The following BSN variants were observed in gnomAD, a reference collection of about 807,000 sequenced individuals.
The protein encoded by BSN is bassoon presynaptic cytomatrix protein.
BSN carries 57 observed loss-of-function variants against 264.8 expected under a neutral mutation model. That is an observed-to-expected ratio of 0.22 (90% CI 0.17 to 0.27). BSN has a LOEUF of 0.27. BSN is among the 10% of genes least tolerant of loss of function. The pLI is 1.00. For synonymous variants in BSN, 2,059 were observed against 2,137.3 expected, an observed-to-expected ratio of 0.96 and a Z score of 1.01; for missense variants, 4,615 against 5,232.5, an observed-to-expected ratio of 0.88 and a Z score of 3.64.
chr3:49,650,680 C>A lies in BSN; in HGVS notation c.1587C>A (p.Thr529=), dbSNP rs2052533836. 17 of 1,610,004 alleles carry A rather than the reference C, an allele frequency of 1.1e-5. No individual in the cohort carries two copies. Among genetic ancestry groups the A allele is most frequent in the Non-Finnish European group, 1.4e-5 (17 of 1,178,918 alleles). The part of the protein sequence containing the change: ...RLLEGSLGEP[T]PLPPPTSQQP... Reference sequence around the variant, plus strand: ...TGGAGGGCAGCCTAGGAGAGCCGACCCCCCTGCCGCCGCCCACCTCACAGC... The same window carrying A: ...TGGAGGGCAGCCTAGGAGAGCCGACACCCCTGCCGCCGCCCACCTCACAGC... Residue 529 remains threonine, a synonymous_variant, in exon 4 of 12, where the codon ACC becomes ACA. Transcript: ENST00000296452.
At position 49,651,024 on chromosome 3, in the gene BSN, C is replaced by T. The variant is rs1423220459; in HGVS notation, c.1931C>T (p.Pro644Leu). 6.2e-7 allele frequency: 1 copy of T among 1,613,826 alleles called. No homozygotes were observed. The highest frequency in any genetic ancestry group is 8.5e-7 in the Non-Finnish European group (1 of 1,179,938). Residue 644 changes from proline to leucine, a missense_variant, in exon 4 of 12, where the codon CCT becomes CTT. Pro to Leu is a moderately conservative substitution (Grantham distance 98). This residue lies in a region of BSN where 1,197 missense variants were observed against 1,348.0 expected (regional missense o/e 0.89). Transcript: ENST00000296452. The surrounding 1 kb of genome is among the most constrained non-coding windows in gnomAD (Gnocchi z 5.4). ...KVKSGVRRAE[P>L]ATPVVKAVPE... ...AAGAGTGGGGTGAGGAGGGCTGAAC[C>T]TGCCACCCCTGTCGTCAAGGCTGTT...
rs983872061 is a variant in BSN at position 49,652,961 on chromosome 3, G to T, written c.3405G>T (p.Glu1135Asp). Residue 1135 changes from glutamate to aspartate, a missense_variant, in exon 5 of 12, where the codon GAG (glutamate) becomes GAT (aspartate). By Grantham distance (45) the Glu-to-Asp change is conservative (BLOSUM62 2). This residue lies in a region of BSN where 3,415 missense variants were observed against 3,866.4 expected (regional missense o/e 0.88). Coordinates refer to ENST00000296452, the MANE Select transcript of BSN (RefSeq NM_003458.4). ...CACCCTCACCCTCCCTTGACTCTGAGGCTGAGGCCTTGGATGGTGGCCCTA... is the reference window on the plus strand; with the variant it reads ...CACCCTCACCCTCCCTTGACTCTGATGCTGAGGCCTTGGATGGTGGCCCTA... The part of the protein sequence containing the change: ...EYSPSPSLDS[E>D]AEALDGGPSR... 1 of 1,612,254 alleles carries T rather than the reference G, an allele frequency of 6.2e-7. No homozygotes were observed. The highest frequency in any genetic ancestry group is 1.3e-5 in the African/African-American group (1 of 74,870).
chr3:49,575,278 C>T (rs370502134), intron 1 of BSN, among the ~76,000 whole-genome samples: 16 of 151,554 alleles, frequency 1.1e-4, no homozygotes, highest in Non-Finnish European at 8.8e-5. Flanking sequence ...CACTTGAACC[C>T]GGGAGGCAGA....
intron 1 of BSN, among the ~76,000 whole-genome samples, chr3:49,558,218 A>G (rs2051688819): frequency 6.6e-6 from 1 of 152,218 alleles, no homozygotes; most frequent in Non-Finnish European, 1.5e-5. Flanking sequence ...AGGTAGAGAT[A>G]GAGATAAATG....
intron 1 of BSN, among the ~76,000 whole-genome samples, chr3:49,599,386 C>T (rs527358802): frequency 3.3e-5 from 5 of 152,168 alleles, no homozygotes; most frequent in East Asian, 1.9e-4. Flanking sequence ...TGAACCTTTT[C>T]GAGGGTGGAT....
intron 1 of BSN, among the ~76,000 whole-genome samples, chr3:49,621,007 A>T (rs2052301595): frequency 6.6e-6 from 1 of 152,106 alleles, no homozygotes; most frequent in Non-Finnish European, 1.5e-5. Context: ...AGGAGGAGGG[A>T]GTAGGTAGTA....
In BSN at chr3:49,554,809, C is replaced by CGGCCCT; in HGVS notation, c.213_218dup (p.Pro73_Gly74dup). Reference sequence around the variant, plus strand: ...CTGGCCCCGGCCCCGGCCCCGGTCCCGGCCCTGGCCCGGGCAGGTAAGCGC... The same window carrying CGGCCCT: ...CTGGCCCCGGCCCCGGCCCCGGTCCCGGCCCTGGCCCTGGCCCGGGCAGGTAAGCGC... On this transcript the variant is annotated inframe_insertion, in exon 1 of 12. Coordinates refer to ENST00000296452, the MANE Select transcript of BSN (RefSeq NM_003458.4). The CGGCCCT allele has an allele frequency of 1.6e-6, 2 of 1,222,276 alleles. No individual in the cohort carries two copies. Among genetic ancestry groups the CGGCCCT allele is most frequent in the Non-Finnish European group, 2.0e-6 (2 of 981,790 alleles). 75.7% of individuals were successfully genotyped at this position (1,222,276 alleles called of 1,614,324 possible).
At position 49,654,546 on chromosome 3, in the gene BSN, G is replaced by A. The variant is rs745901396; in HGVS notation, c.4990G>A (p.Ala1664Thr). 80 of 1,610,356 alleles carry A rather than the reference G, an allele frequency of 5.0e-5. 1 individual carries two copies. The South Asian group carries it at 7.4e-4, about 15-fold the overall frequency. Residue 1664 changes from alanine to threonine, a missense_variant, in exon 5 of 12, where the codon GCA (alanine) becomes ACA (threonine). This residue lies in a region of BSN where 3,415 missense variants were observed against 3,866.4 expected (regional missense o/e 0.88). Transcript: ENST00000296452. The surrounding 1 kb of genome is among the most constrained non-coding windows in gnomAD (Gnocchi z 4.1). ...VEPGPRTPGT[A>T]VVDLRTAVKP... The stretch of plus-strand genomic sequence containing the variant: ...GCCAGGCCCCAGGACCCCTGGCACT[G>A]CAGTGGTAGACCTCCGTACAGCTGT...
chr3:49,655,690 T>G lies in BSN; in HGVS notation c.6134T>G (p.Leu2045Arg). ...TTGCAGTATGGCTCAGTCACGGACC[T>G]GCGTCATCCTACAGACCTTTTGGCT... Reference protein sequence around the residue: ...QGLQYGSVTDLRHPTDLLAHP... With the variant: ...QGLQYGSVTDRRHPTDLLAHP... The change falls in exon 5 of 12, where the codon CTG becomes CGG. Residue 2045 changes from leucine to arginine, a missense_variant. This residue lies in a region of BSN where 3,415 missense variants were observed against 3,866.4 expected (regional missense o/e 0.88). Coordinates refer to ENST00000296452, the MANE Select transcript of BSN (RefSeq NM_003458.4). The G allele has an allele frequency of 6.2e-7, 1 of 1,613,572 alleles. No homozygotes were observed. The highest frequency in any genetic ancestry group is 8.5e-7 in the Non-Finnish European group (1 of 1,180,034).
At chr3:49,613,238 G>GA (rs1270395699) in intron 1 of BSN, among the ~76,000 whole-genome samples, 2 of 145,100 alleles carry the variant, frequency 1.4e-5, no homozygotes, top group Admixed American at 7.1e-5. Flanking sequence ...ATTCCAAAGA[G>GA]AAAAAAATAG....
intron 1 of BSN, among the ~76,000 whole-genome samples, chr3:49,606,157 TATATATACATATATTATATATG>T (rs2052139923): frequency 3.4e-5 from 1 of 29,430 alleles, no homozygotes; most frequent in Non-Finnish European, 5.6e-5. Flanking sequence ...ATGTATATAT[TATATATACATATATTATATATG>T]TATATATATT....
chr3:49,560,664 T>C (rs1434262090), intron 1 of BSN, among the ~76,000 whole-genome samples: 2 of 152,230 alleles, frequency 1.3e-5, no homozygotes, highest in Non-Finnish European at 2.9e-5. Context: ...ATGCTGGTAT[T>C]GATCCTGCAT....
chr3:49,555,245 G>C (rs1370648337), intron 1 of BSN, among the ~76,000 whole-genome samples: 1 of 152,172 alleles, frequency 6.6e-6, no homozygotes, highest in Admixed American at 6.5e-5. Flanking sequence ...CAATGGGAGT[G>C]GCTGTCAGGG....
intron 1 of BSN, among the ~76,000 whole-genome samples, chr3:49,605,660 TA>T (rs1388436012): frequency 1.2e-4 from 5 of 42,438 alleles, no homozygotes; most frequent in Non-Finnish European, 1.6e-4. Context: ...ATATTATATA[TA>T]ATATATATTA....
intron 11 of BSN, among the ~76,000 whole-genome samples, chr3:49,666,691 C>T (rs1210160607): frequency 6.6e-6 from 1 of 150,704 alleles, no homozygotes; most frequent in Non-Finnish European, 1.5e-5. Context: ...GACGGATGAT[C>T]GGATGCTGGG....
Position 49,651,407 on chromosome 3 carries a change from AG to A in BSN, c.1987-133del. On this transcript the variant is annotated intron_variant, in intron 4 of 11. Coordinates refer to ENST00000296452, the MANE Select transcript of BSN (RefSeq NM_003458.4). This position sits in a 1 kb window ranked among gnomAD's most constrained non-coding sequence, Gnocchi z 5.4. ...AGGTTATTCAAGGCCAGAAGGAGAT[AG>A]GGTGGGTGGCGGGCCCTAAACCCTT... 1.1e-6 allele frequency: 1 copy of A among 945,962 alleles called. No individual in the cohort carries two copies. Among genetic ancestry groups the A allele is most frequent in the Non-Finnish European group, 1.6e-6 (1 of 641,108 alleles). 58.6% of individuals were successfully genotyped at this position (945,962 alleles called of 1,614,324 possible).
chr3:49,636,122 A>T (rs997244826), intron 2 of BSN, among the ~76,000 whole-genome samples: 12 of 152,222 alleles, frequency 7.9e-5, no homozygotes, highest in Admixed American at 7.2e-4. Flanking sequence ...TAATTATTCC[A>T]GTCGGTGAGC....
intron 1 of BSN, among the ~76,000 whole-genome samples, chr3:49,615,786 G>T (rs889836600): frequency 1.3e-5 from 2 of 152,178 alleles, no homozygotes; most frequent in Non-Finnish European, 2.9e-5. Flanking sequence ...GGGCCTCCCT[G>T]TCACTGACCT....
chr3:49,571,090 C>T (rs2051791525), intron 1 of BSN, among the ~76,000 whole-genome samples: 1 of 152,104 alleles, frequency 6.6e-6, no homozygotes, highest in South Asian at 2.1e-4. Flanking sequence ...GTTCAGATAG[C>T]GACAGGCATT....
Sources: allele counts gnomAD v4.1 joint callset (sites outside exome capture counted in the v4.1 genomes callset), GRCh38; gene constraint gnomAD v4.1.1; regional missense constraint gnomAD v4.1.1; non-coding constraint Gnocchi (gnomAD v3.1); transcripts MANE v1.5; gene names NCBI Gene and HGNC (gene_info 2026-07-23, HGNC 2026-07-21).